SLC9A7: variants seen among roughly 807,000 people sequenced by gnomAD.
The protein encoded by SLC9A7 is solute carrier family 9 member A7, also known as sodium/hydrogen exchanger 7.
A neutral mutation model predicts 52.6 loss-of-function variants in SLC9A7; 19 were observed. The ratio of observed to expected loss-of-function variants is 0.36; its 90% CI spans 0.25 to 0.53. The LOEUF is 0.53. Among genes scored for constraint, SLC9A7 ranks in the 20% least tolerant of loss-of-function variants. The probability of loss-of-function intolerance (pLI) is 0.91; values close to 1 mark genes in which losing one functional copy is unlikely to be tolerated. For missense variants in SLC9A7, 455 were observed against 597.9 expected (o/e 0.76, Z 2.49); for synonymous variants, 226 against 252.1 (o/e 0.90, Z 0.98).
chrX:46,609,197 C>T lies in SLC9A7; in HGVS notation c.1930-1994G>A, dbSNP rs143066313. ...GGATAACTGCAGGTGAGGGTAATTC[C>T]GCAAATGAAGGAAAGCCCACCACAG... On this transcript the variant is annotated intron_variant, in intron 16 of 16. Coordinates refer to ENST00000616978, the MANE Select transcript of SLC9A7 (RefSeq NM_001257291.2). Among the ~76,000 whole-genome samples, 213 of 111,586 alleles carry T rather than the reference C, an allele frequency of 1.9e-3. 4 individuals are homozygous for T. In the South Asian group the frequency reaches 0.035, roughly 18 times the overall value.
intron 5 of SLC9A7, among the ~76,000 whole-genome samples, chrX:46,667,040 C>A (rs756788755): frequency 8.9e-6 from 1 of 112,033 alleles, no homozygotes; most frequent in South Asian, 3.7e-4. Flanking sequence ...ATTTTTTAAA[C>A]ATAAGGAAAA....
intron 7 of SLC9A7, among the ~76,000 whole-genome samples, chrX:46,661,560 T>A (rs1355054216): frequency 4.5e-5 from 5 of 111,104 alleles, no homozygotes; most frequent in Admixed American, 3.8e-4. Context: ...TTAGTTTGTT[T>A]AAACTGAATA....
At chrX:46,621,250 G>A (rs753445011) in intron 14 of SLC9A7, among the ~76,000 whole-genome samples, 191 bp from the exon 15 acceptor site, 1 of 112,221 alleles carries the variant, frequency 8.9e-6, no homozygotes, top group East Asian at 2.8e-4. Flanking sequence ...AGAAAAATCA[G>A]TCTCCAAAGT....
At chrX:46,650,535 A>T (rs993877438) in intron 10 of SLC9A7, among the ~76,000 whole-genome samples, 8 of 109,337 alleles carry the variant, frequency 7.3e-5, no homozygotes, top group Non-Finnish European at 1.5e-4. Flanking sequence ...TCCCACCATG[A>T]TCTGCAGCAG....
chrX:46,649,444 T>A, intron 10 of SLC9A7, among the ~76,000 whole-genome samples: 1 of 112,143 alleles, frequency 8.9e-6, no homozygotes, highest in East Asian at 2.8e-4. Flanking sequence ...TAAAATGTTT[T>A]TTGGAGATGT....
intron 1 of SLC9A7, among the ~76,000 whole-genome samples, chrX:46,723,954 G>A (rs951650397): frequency 2.7e-5 from 3 of 111,568 alleles, no homozygotes; most frequent in East Asian, 2.8e-4. Context: ...ATAGCTGGGC[G>A]TGATGGCGCA....
intron 1 of SLC9A7, among the ~76,000 whole-genome samples, chrX:46,749,135 T>C (rs768247477): frequency 8.9e-6 from 1 of 112,100 alleles, no homozygotes; most frequent in Non-Finnish European, 1.9e-5. Flanking sequence ...GAAACTTCAC[T>C]GTCAGTGTGA....
chrX:46,653,592 G>A lies in SLC9A7; in HGVS notation c.1147+17C>T, dbSNP rs1250696272. On this transcript the variant is annotated intron_variant, in intron 8 of 16. Coordinates refer to ENST00000616978, the MANE Select transcript of SLC9A7 (RefSeq NM_001257291.2). Reference sequence around the variant, plus strand: ...TACAGTGAGGGGAAGGGTGGTCCAAGAGTAGAAAAAACCTACCTGTAAATC... The same window carrying A: ...TACAGTGAGGGGAAGGGTGGTCCAAAAGTAGAAAAAACCTACCTGTAAATC... 8.7e-7 allele frequency: 1 copy of A among 1,151,051 alleles called. No individual in the cohort carries two copies. The highest frequency in any genetic ancestry group is 2.2e-5 in the Admixed American group (1 of 45,714). 94.9% of individuals were successfully genotyped at this position (1,151,051 alleles called of 1,213,427 possible).
At position 46,651,422 on chromosome X, in the gene SLC9A7, C is replaced by A. The variant is rs754000566; in HGVS notation, c.1148-18G>T. 9 of 1,117,798 alleles carry A rather than the reference C, an allele frequency of 8.1e-6. No individual in the cohort carries two copies. Among genetic ancestry groups the A allele is most frequent in the Admixed American group, 4.8e-5 (2 of 41,509 alleles). 92.1% of individuals were successfully genotyped at this position (1,117,798 alleles called of 1,213,427 possible). A position where few individuals can be genotyped will look rare whatever the true frequency, so the allele number is the denominator to read the frequency against. ...TACAACACCTGTTAAAACATCCCCC[C>A]AAAAAAAATCAATGGAAAAAAAAGA... On this transcript the variant is annotated intron_variant, in intron 8 of 16. Coordinates refer to ENST00000616978, the MANE Select transcript of SLC9A7 (RefSeq NM_001257291.2).
chrX:46,616,808 G>A (rs1942961208), intron 15 of SLC9A7, among the ~76,000 whole-genome samples: 1 of 111,273 alleles, frequency 9.0e-6, no homozygotes, highest in South Asian at 3.8e-4. Flanking sequence ...AACCAATTTT[G>A]TCGATGAGAA....
intron 1 of SLC9A7, among the ~76,000 whole-genome samples, chrX:46,710,320 G>A (rs1025892217): frequency 5.4e-5 from 6 of 111,892 alleles, no homozygotes; most frequent in Non-Finnish European, 1.1e-4. Flanking sequence ...AAGAAGAACC[G>A]CATTCAGAAA....
chrX:46,748,139 G>A (rs1028327798), intron 1 of SLC9A7, among the ~76,000 whole-genome samples: 1 of 110,685 alleles, frequency 9.0e-6, no homozygotes. Flanking sequence ...CTGAAGTCAG[G>A]AGTTCGAGAC....
chrX:46,738,026 CAAAAAAA>C (rs1400227047), intron 1 of SLC9A7, among the ~76,000 whole-genome samples: 1 of 71,217 alleles, frequency 1.4e-5, no homozygotes, highest in African/African-American at 5.8e-5. Flanking sequence ...GACCCTGTCT[CAAAAAAA>C]AGAAAGAAAG....
At chrX:46,683,934 T>C (rs763558001) in intron 1 of SLC9A7, among the ~76,000 whole-genome samples, 1 of 112,229 alleles carries the variant, frequency 8.9e-6, no homozygotes, top group South Asian at 3.7e-4. Flanking sequence ...ATCACCAAGA[T>C]ATATAAGAAC....
chrX:46,655,399 T>C (rs1257272456), intron 7 of SLC9A7, among the ~76,000 whole-genome samples: 1 of 112,354 alleles, frequency 8.9e-6, no homozygotes, highest in Non-Finnish European at 1.9e-5. Context: ...AGCTCCGGTC[T>C]ACAGCTCCCA....
At chrX:46,743,413 T>C (rs1207726761) in intron 1 of SLC9A7, among the ~76,000 whole-genome samples, 1 of 112,386 alleles carries the variant, frequency 8.9e-6, no homozygotes, top group African/African-American at 3.2e-5. Context: ...GAAATTTCAA[T>C]AAGAACGCCT....
chrX:46,728,305 C>T (rs1363726552), intron 1 of SLC9A7, among the ~76,000 whole-genome samples: 1 of 111,057 alleles, frequency 9.0e-6, no homozygotes, highest in Non-Finnish European at 1.9e-5. Flanking sequence ...ATACACAACT[C>T]AATTAGACAA....
chrX:46,729,666 G>C (rs769158312), intron 1 of SLC9A7, among the ~76,000 whole-genome samples: 10 of 110,710 alleles, frequency 9.0e-5, no homozygotes, highest in African/African-American at 3.0e-4. Flanking sequence ...CCAGCTACTC[G>C]GGAGGTTGAG....
At chrX:46,723,205 G>A (rs1398423700) in intron 1 of SLC9A7, among the ~76,000 whole-genome samples, 2 of 106,065 alleles carry the variant, frequency 1.9e-5, no homozygotes, top group Non-Finnish European at 3.9e-5. Flanking sequence ...TGTAATATAA[G>A]GCTCATCTTC....
Sources: allele counts gnomAD v4.1 joint callset (sites outside exome capture counted in the v4.1 genomes callset), GRCh38; gene constraint gnomAD v4.1.1; transcripts MANE v1.5; gene names NCBI Gene and HGNC (gene_info 2026-07-23, HGNC 2026-07-21).